PALD1: variants seen among roughly 807,000 people sequenced by gnomAD.
The protein encoded by PALD1 is paladin.
PALD1 carries 57 observed loss-of-function variants against 96.0 expected under a neutral mutation model. The ratio of observed to expected loss-of-function variants is 0.59; its 90% CI spans 0.48 to 0.74. The LOEUF (loss-of-function observed/expected upper bound fraction) is 0.74, where lower values mean the gene tolerates loss of function less well. Among genes scored for constraint, PALD1 ranks in the 30% least tolerant of loss-of-function variants. The pLI is 0.00. For synonymous variants in PALD1, 464 were observed against 473.6 expected (o/e 0.98, Z 0.26); for missense variants, 1,063 against 1,143.7 (o/e 0.93, Z 1.02).
Position 70,566,588 on chromosome 10 carries a change from C to T in PALD1, c.2426C>T (p.Ser809Leu), listed in dbSNP as rs149317467. 106 of 1,608,444 alleles carry T rather than the reference C, an allele frequency of 6.6e-5. No homozygotes were observed. Among genetic ancestry groups the T allele is most frequent in the Non-Finnish European group, 8.7e-5 (102 of 1,177,710 alleles). Residue 809 changes from serine to leucine, a missense_variant, in exon 20 of 20, where the codon TCG (serine) becomes TTG (leucine). Physicochemically the swap from Ser to Leu is moderately radical, Grantham distance 145. Coordinates refer to ENST00000263563, the MANE Select transcript of PALD1 (RefSeq NM_014431.3). ...PFSTWMQEVA[S>L]KAGIYEILNE... ...CCTCTGCTCTCCTCCCAGGTGGCAT[C>T]GAAGGCTGGCATCTACGAGATCCTT... is the stretch of plus-strand genomic sequence containing the variant.
At position 70,567,152 on chromosome 10, in the gene PALD1, C is replaced by T. The variant is rs41306001; in HGVS notation, c.*419C>T. The T allele has an allele frequency of 0.019, 3,127 of 167,900 alleles. 51 individuals are homozygous for T. The highest frequency in any genetic ancestry group is 0.04 in the African/African-American group (1,690 of 42,048). The allele number at this position is 167,900 out of a possible 1,614,324, so 10.4% of individuals were successfully genotyped here. A position where few individuals can be genotyped will look rare whatever the true frequency, so the allele number is the denominator to read the frequency against. ...AGAGCAGACCCGGCCACTGGTAGCT[C>T]CCCACTTCCTTACTCCTGCTGCTCT... On this transcript the variant is annotated 3_prime_UTR_variant, in exon 20 of 20. Transcript: ENST00000263563.
At position 70,497,619 on chromosome 10, in the gene PALD1, A is replaced by G. The variant is rs1846217779; in HGVS notation, c.-30+18560A>G. 4.7e-5 allele frequency among the ~76,000 whole-genome samples: 7 copies of G among 149,520 alleles called. No individual in the cohort carries two copies. In the Admixed American group the frequency reaches 4.7e-4, roughly 10 times the overall value. On this transcript the variant is annotated intron_variant, in intron 1 of 19. Transcript: ENST00000263563. Reference sequence around the variant, plus strand: ...CGCTCTGTCACCCTGGCTGGAGTGCAGTAGTAGCGCGATCTCGGCCCACTG... The same window carrying G: ...CGCTCTGTCACCCTGGCTGGAGTGCGGTAGTAGCGCGATCTCGGCCCACTG...
At chr10:70,498,729 C>G (rs757732537) in intron 1 of PALD1, among the ~76,000 whole-genome samples, 1 of 151,976 alleles carries the variant, frequency 6.6e-6, no homozygotes, top group Admixed American at 6.6e-5. Context: ...GAGTTTGAGA[C>G]CAGCCTGGCT....
the PALD1 span, among the ~76,000 whole-genome samples, chr10:70,468,944 A>G: frequency 1.3e-5 from 2 of 152,264 alleles, no homozygotes; most frequent in Admixed American, 1.3e-4. Flanking sequence ...TAAATCCAGT[A>G]GCGTGGCTTT....
Position 70,561,122 on chromosome 10 carries a change from G to A in PALD1, c.2263-3242G>A, listed in dbSNP as rs368165657. Reference sequence around the variant, plus strand: ...CCTTTGCCAGTAGAGCTCAGAAGGAGCCACTCCACCTCTTACCCCAGAGAA... The same window carrying A: ...CCTTTGCCAGTAGAGCTCAGAAGGAACCACTCCACCTCTTACCCCAGAGAA... On this transcript the variant is annotated intron_variant, in intron 18 of 19. Transcript: ENST00000263563. Among the ~76,000 whole-genome samples, 26 of 152,302 alleles carry A rather than the reference G, an allele frequency of 1.7e-4. No homozygotes were observed. In the East Asian group the frequency reaches 5.0e-3, roughly 29 times the overall value.
intron 1 of PALD1, among the ~76,000 whole-genome samples, chr10:70,503,131 C>T (rs1001798693): frequency 2.0e-4 from 31 of 152,076 alleles, no homozygotes; most frequent in Non-Finnish European, 1.3e-4. Context: ...CTGCCTGCCT[C>T]GGCCTCCCAA....
chr10:70,541,982 A>G (rs1177212664), intron 17 of PALD1, among the ~76,000 whole-genome samples: 1 of 152,174 alleles, frequency 6.6e-6, no homozygotes, highest in African/African-American at 2.4e-5. Flanking sequence ...TTAGTCATCC[A>G]TGTATTGTGC....
At chr10:70,556,204 A>AGT (rs1052410304) in intron 18 of PALD1, among the ~76,000 whole-genome samples, 3 of 149,006 alleles carry the variant, frequency 2.0e-5, no homozygotes, top group African/African-American at 5.0e-5. Context: ...TCCAGAACGG[A>AGT]GTGTGTGTGT....
intron 18 of PALD1, among the ~76,000 whole-genome samples, chr10:70,552,528 C>T (rs1176356827): frequency 6.6e-6 from 1 of 152,042 alleles, no homozygotes; most frequent in African/African-American, 2.4e-5. Context: ...TTTCCTCAGC[C>T]CTCATGTGCC....
intron 1 of PALD1, among the ~76,000 whole-genome samples, chr10:70,493,800 C>T (rs1435766226): frequency 6.6e-6 from 1 of 152,210 alleles, no homozygotes; most frequent in Non-Finnish European, 1.5e-5. Context: ...TGCTGCTAGC[C>T]CCGCCTCCAG....
chr10:70,542,752 C>G (rs1443628601), intron 17 of PALD1, among the ~76,000 whole-genome samples: 1 of 152,192 alleles, frequency 6.6e-6, no homozygotes, highest in Non-Finnish European at 1.5e-5. Context: ...GTGCACGTAG[C>G]TGAGTCCCTG....
chr10:70,460,481 C>T, the PALD1 span, among the ~76,000 whole-genome samples: 1 of 152,156 alleles, frequency 6.6e-6, no homozygotes, highest in Admixed American at 6.6e-5. Context: ...CAGCCAAGCC[C>T]CTGATTCCTG....
At chr10:70,555,613 C>T (rs1353539327) in intron 18 of PALD1, among the ~76,000 whole-genome samples, 1 of 152,220 alleles carries the variant, frequency 6.6e-6, no homozygotes, top group Non-Finnish European at 1.5e-5. Context: ...GAGAGACCAG[C>T]TCCGTGCCCC....
chr10:70,506,557 T>A (rs10740353), intron 1 of PALD1, among the ~76,000 whole-genome samples: 1 of 152,154 alleles, frequency 6.6e-6, no homozygotes, highest in East Asian at 1.9e-4. Flanking sequence ...TTCCCCCAAC[T>A]AACCTGAGTG....
chr10:70,467,417 G>A, the PALD1 span, among the ~76,000 whole-genome samples: 1 of 151,456 alleles, frequency 6.6e-6, no homozygotes, highest in Non-Finnish European at 1.5e-5. Flanking sequence ...GAGGTGGGGG[G>A]TGGGAGGTGA....
chr10:70,541,089 T>A lies in PALD1; in HGVS notation c.1909-13T>A. 1.3e-6 allele frequency: 2 copies of A among 1,583,402 alleles called. No homozygotes were observed. Among genetic ancestry groups the A allele is most frequent in the Non-Finnish European group, 1.7e-6 (2 of 1,166,366 alleles). ...AGACGCCCGCTGACCCAGACCTTGC[T>A]TTTCTCGTCCAGGACTTTGACCAGC... On this transcript the variant is annotated splice_polypyrimidine_tract_variant and intron_variant, in intron 15 of 19. Transcript: ENST00000263563.
intron 3 of PALD1, 93 bp downstream of exon 3, chr10:70,529,424 A>C: frequency 1.5e-6 from 1 of 655,788 alleles, no homozygotes; most frequent in Non-Finnish European, 2.8e-6. Flanking sequence ...GCCCTCCCCA[A>C]CTTTCCCCGT....
At chr10:70,541,822 G>A (rs1446163938) in intron 17 of PALD1, among the ~76,000 whole-genome samples, 2 of 152,132 alleles carry the variant, frequency 1.3e-5, no homozygotes, top group Non-Finnish European at 2.9e-5. Context: ...ACTGGCCACC[G>A]TCTTGTCTGG....
At chr10:70,527,548 C>G (rs1032815487) in intron 2 of PALD1, among the ~76,000 whole-genome samples, 4 of 152,178 alleles carry the variant, frequency 2.6e-5, no homozygotes, top group Admixed American at 2.0e-4. Flanking sequence ...TGAGTAGTTG[C>G]AACAGGCGCT....
Sources: allele counts gnomAD v4.1 joint callset (sites outside exome capture counted in the v4.1 genomes callset), GRCh38; gene constraint gnomAD v4.1.1; transcripts MANE v1.5; gene names NCBI Gene and HGNC (gene_info 2026-07-23, HGNC 2026-07-21).